The following IMMP2L variants were observed in gnomAD, a reference collection of about 807,000 sequenced individuals.
IMMP2L encodes the protein mitochondrial inner membrane protease subunit 2.
IMMP2L carries 18 observed loss-of-function variants against 19.3 expected under a neutral mutation model. The ratio of observed to expected loss-of-function variants is 0.93; its 90% confidence interval spans 0.64 to 1.38. The LOEUF (loss-of-function observed/expected upper bound fraction) is 1.38. Among genes scored for constraint, IMMP2L ranks in the 40% most tolerant of loss-of-function variants. IMMP2L has a pLI of 0.00. For missense variants in IMMP2L, 233 were observed against 218.2 expected, an observed-to-expected ratio of 1.07 and a Z score of -0.43; for synonymous variants, 76 against 73.0, an observed-to-expected ratio of 1.04 and a Z score of -0.21.
intron 3 of IMMP2L, among the ~76,000 whole-genome samples, chr7:111,134,181 C>A (rs1802114006): frequency 6.6e-6 from 1 of 151,798 alleles, no homozygotes; most frequent in Non-Finnish European, 1.5e-5. Context: ...AGTATATAAA[C>A]AGATATAGGA....
chr7:110,845,118 TTCTC>T, intron 5 of IMMP2L, among the ~76,000 whole-genome samples: 1 of 152,122 alleles, frequency 6.6e-6, no homozygotes, highest in East Asian at 1.9e-4. Flanking sequence ...GCTCAGAGCT[TTCTC>T]TCTCACCTTT....
intron 3 of IMMP2L, among the ~76,000 whole-genome samples, chr7:111,145,940 G>C (rs1434305036): frequency 6.6e-6 from 1 of 152,004 alleles, no homozygotes; most frequent in Middle Eastern, 3.2e-3. Context: ...ATCATTCAAC[G>C]CCCATTCAGA....
At chr7:110,721,024 T>C (rs1005553728) in intron 5 of IMMP2L, among the ~76,000 whole-genome samples, 2 of 148,248 alleles carry the variant, frequency 1.3e-5, no homozygotes, top group Non-Finnish European at 3.0e-5. Context: ...ATATTCAATA[T>C]ATAAAAATAG....
chr7:110,802,812 C>T lies in IMMP2L; in HGVS notation c.408+83781G>A, dbSNP rs544066315. On this transcript the variant is annotated intron_variant, in intron 5 of 5. Coordinates refer to ENST00000405709, the MANE Select transcript of IMMP2L (RefSeq NM_032549.4). ...AGAGGATGAAGCAAGAAGATACATACGGAAGGCTGGTGGAGAAATTACAAG... is the reference window on the plus strand; with the variant it reads ...AGAGGATGAAGCAAGAAGATACATATGGAAGGCTGGTGGAGAAATTACAAG... 6.6e-5 allele frequency among the ~76,000 whole-genome samples: 10 copies of T among 152,132 alleles called. No homozygotes were observed. In the East Asian group the frequency reaches 9.7e-4, roughly 15 times the overall value.
chr7:111,518,283 A>C (rs1417874349), intron 2 of IMMP2L, among the ~76,000 whole-genome samples: 1 of 152,148 alleles, frequency 6.6e-6, no homozygotes, highest in African/African-American at 2.4e-5. Context: ...TTCTTACAGC[A>C]AAATTTGTTA....
intron 1 of IMMP2L, among the ~76,000 whole-genome samples, chr7:111,547,180 A>C (rs1341824252): frequency 6.6e-6 from 1 of 152,208 alleles, no homozygotes; most frequent in African/African-American, 2.4e-5. Context: ...ACAGAGTTGA[A>C]ACTGATTCAA....
chr7:110,926,815 TA>T (rs1451810950), intron 4 of IMMP2L, among the ~76,000 whole-genome samples: 1 of 152,156 alleles, frequency 6.6e-6, no homozygotes, highest in African/African-American at 2.4e-5. Context: ...CATCATCTTT[TA>T]TATCACACAC....
At chr7:111,527,203 C>T (rs1846952908) in intron 1 of IMMP2L, among the ~76,000 whole-genome samples, 2 of 152,014 alleles carry the variant, frequency 1.3e-5, no homozygotes, top group South Asian at 4.2e-4. Context: ...AGGGTCACTT[C>T]AGGTCAGGAG....
intron 5 of IMMP2L, among the ~76,000 whole-genome samples, chr7:110,729,529 G>GA (rs1796112307): frequency 6.6e-6 from 1 of 152,074 alleles, no homozygotes; most frequent in Non-Finnish European, 1.5e-5. Flanking sequence ...GATTTGGGTG[G>GA]GACACAGAAC....
intron 3 of IMMP2L, among the ~76,000 whole-genome samples, chr7:111,220,291 C>T (rs61383005): frequency 0.019 from 2,884 of 151,630 alleles, 94 homozygotes; most frequent in African/African-American, 0.066. Context: ...AGGTATTATA[C>T]GATATAAAAG....
chr7:111,151,574 CAT>C (rs1176200214), intron 3 of IMMP2L, among the ~76,000 whole-genome samples: 1 of 152,112 alleles, frequency 6.6e-6, no homozygotes, highest in Non-Finnish European at 1.5e-5. Flanking sequence ...CAAAACGTAA[CAT>C]GTGGACCTCC....
rs1328720805 is a variant in IMMP2L at position 111,238,544 on chromosome 7, G to A, written c.239+248694C>T. On this transcript the variant is annotated intron_variant, in intron 3 of 5. Transcript: ENST00000405709. ...GAGATGGATTTTTTATTAAGGGAAG[G>A]AGCAGATTCCAGGGTCAATTTAATA... is the stretch of plus-strand genomic sequence containing the variant. Among the ~76,000 whole-genome samples, 6 of 151,958 alleles carry A rather than the reference G, an allele frequency of 3.9e-5. No homozygotes were observed. In the East Asian group the frequency reaches 1.2e-3, roughly 29 times the overall value.
chr7:110,835,354 C>T (rs1425369762), intron 5 of IMMP2L, among the ~76,000 whole-genome samples: 6 of 152,008 alleles, frequency 3.9e-5, no homozygotes, highest in Non-Finnish European at 7.4e-5. Context: ...GATCCACTTA[C>T]CTAATATGCG....
chr7:110,853,437 G>A (rs532945225), intron 5 of IMMP2L, among the ~76,000 whole-genome samples: 15 of 152,084 alleles, frequency 9.9e-5, no homozygotes, highest in African/African-American at 3.6e-4. Context: ...GGCACTGAGC[G>A]CGTATGTCGT....
chr7:111,406,421 T>G (rs779838687), intron 3 of IMMP2L, among the ~76,000 whole-genome samples: 1 of 152,088 alleles, frequency 6.6e-6, no homozygotes, highest in Non-Finnish European at 1.5e-5. Context: ...CTATTTCTGT[T>G]CTTGGTCCCT....
At chr7:111,344,980 C>G (rs1827391374) in intron 3 of IMMP2L, among the ~76,000 whole-genome samples, 1 of 152,058 alleles carries the variant, frequency 6.6e-6, no homozygotes, top group African/African-American at 2.4e-5. Context: ...ATTTAAGTCC[C>G]AGAAACCCAG....
intron 5 of IMMP2L, among the ~76,000 whole-genome samples, chr7:110,825,369 G>A (rs73419217): frequency 0.082 from 12,411 of 152,032 alleles, 718 homozygotes; most frequent in African/African-American, 0.16. Context: ...AAAAGAGCCC[G>A]CATTGCCAAG....
chr7:111,510,235 A>T (rs1845311494), intron 2 of IMMP2L, among the ~76,000 whole-genome samples: 1 of 152,130 alleles, frequency 6.6e-6, no homozygotes, highest in Admixed American at 6.5e-5. Flanking sequence ...AAAGAATTTC[A>T]AAAGCTCAGT....
intron 3 of IMMP2L, among the ~76,000 whole-genome samples, chr7:111,177,222 G>A (rs184659318): frequency 2.0e-5 from 3 of 151,840 alleles, no homozygotes; most frequent in East Asian, 1.9e-4. Flanking sequence ...CTCTGTCATC[G>A]AGGCTAGAGT....
Sources: allele counts gnomAD v4.1 joint callset (sites outside exome capture counted in the v4.1 genomes callset), GRCh38; gene constraint gnomAD v4.1.1; transcripts MANE v1.5; gene names NCBI Gene and HGNC (gene_info 2026-07-23, HGNC 2026-07-21).